PRC1: variants seen among roughly 807,000 people sequenced by gnomAD.
PRC1 encodes protein regulator of cytokinesis 1.
In PRC1, 54 loss-of-function variants were observed where a neutral mutation model predicts 91.2. That is an observed-to-expected ratio of 0.59 (90% CI 0.48 to 0.74). The LOEUF (loss-of-function observed/expected upper bound fraction) is 0.74, where lower values mean the gene tolerates loss of function less well. Among genes scored for constraint, PRC1 ranks in the 30% least tolerant of loss-of-function variants. PRC1 has a pLI of 0.00. For synonymous variants in PRC1, 275 were observed against 263.6 expected (o/e 1.04, Z -0.42); for missense variants, 727 against 746.2 (o/e 0.97, Z 0.30).
At chr15:90,977,285 A>AC (rs1378627667) in intron 8 of PRC1, 1 of 152,580 alleles carries the variant, frequency 6.6e-6, no homozygotes, top group Non-Finnish European at 1.5e-5. Context: ...ACTTATAAAC[A>AC]CCACTACACT....
chr15:90,987,326 C>A (rs2039656822), intron 1 of PRC1, among the ~76,000 whole-genome samples: 1 of 152,042 alleles, frequency 6.6e-6, no homozygotes, highest in African/African-American at 2.4e-5. Context: ...TTTCAGAAGT[C>A]AGGATAGTAG....
chr15:90,994,486 A>G lies in PRC1; in HGVS notation c.-69T>C. ...CCACACGGCCCCGAGAGCAACAACC[A>G]CCCGCAAACACCGGCGATGTCACTC... On this transcript the variant is annotated 5_prime_UTR_variant, in exon 1 of 15. Transcript: ENST00000394249. 2.6e-6 allele frequency: 4 copies of G among 1,542,936 alleles called. No homozygotes were observed. Among genetic ancestry groups the G allele is most frequent in the Non-Finnish European group, 3.5e-6 (4 of 1,140,036 alleles).
At chr15:90,972,300 C>A (rs868654489) in intron 11 of PRC1, among the ~76,000 whole-genome samples, 1 of 150,808 alleles carries the variant, frequency 6.6e-6, no homozygotes, top group African/African-American at 2.4e-5. Flanking sequence ...TAGAGAATCA[C>A]TTGAGCCCAG....
chr15:90,968,438 T>G, intron 14 of PRC1: 1 of 985,496 alleles, frequency 1.0e-6, no homozygotes, highest in African/African-American at 1.7e-5. Context: ...GAACATCCTC[T>G]CCTCTTGCTA....
chr15:90,980,581 C>T (rs533646268), intron 6 of PRC1, 192 bp from the exon 7 acceptor site: 12 of 713,832 alleles, frequency 1.7e-5, no homozygotes, highest in Admixed American at 6.3e-5. Flanking sequence ...TGCAGTGGCG[C>T]GATTCTGGCT....
chr15:90,977,889 C>G (rs1031664400), intron 8 of PRC1, among the ~76,000 whole-genome samples: 1 of 152,038 alleles, frequency 6.6e-6, no homozygotes, highest in Non-Finnish European at 1.5e-5. Flanking sequence ...CACACCTGGC[C>G]TCCTTATTTA....
intron 1 of PRC1, 82 bp downstream of exon 1, chr15:90,994,325 G>A: frequency 6.2e-7 from 1 of 1,602,386 alleles, no homozygotes; most frequent in Non-Finnish European, 8.5e-7. Flanking sequence ...CCCCGCACGG[G>A]TCCCGCACCC....
intron 1 of PRC1, among the ~76,000 whole-genome samples, chr15:90,988,909 G>T (rs1338817390): frequency 6.6e-6 from 1 of 152,130 alleles, no homozygotes; most frequent in Non-Finnish European, 1.5e-5. Context: ...GGATCCTGAC[G>T]AAGGTTTACA....
rs575364533 is a variant in PRC1 at position 90,974,320 on chromosome 15, C to T, written c.1351-74G>A. On this transcript the variant is annotated intron_variant, in intron 10 of 14. Coordinates refer to ENST00000394249, the MANE Select transcript of PRC1 (RefSeq NM_003981.4). The surrounding 1 kb of genome is among the most constrained non-coding windows in gnomAD (Gnocchi z 4.6). ...GTCTGGGATGGCAACAGCAGCAGGG[C>T]CGGGAATCTAGGCCCGTGTCTCTAC... 4.1e-4 allele frequency: 544 copies of T among 1,342,400 alleles called. No individual in the cohort carries two copies. The African/African-American group carries it at 7.1e-3, about 17-fold the overall frequency. 83.2% of individuals were successfully genotyped at this position (1,342,400 alleles called of 1,614,324 possible). A position where few individuals can be genotyped will look rare whatever the true frequency, so the allele number is the denominator to read the frequency against.
chr15:90,972,950 C>G (rs755526053), intron 11 of PRC1: 1 of 152,314 alleles, frequency 6.6e-6, no homozygotes, highest in Non-Finnish European at 1.5e-5. Flanking sequence ...CACCGCACCC[C>G]GAATTTAATG....
chr15:90,977,558 C>T (rs2038827874), intron 8 of PRC1, among the ~76,000 whole-genome samples: 1 of 149,904 alleles, frequency 6.7e-6, no homozygotes, highest in African/African-American at 2.5e-5. Flanking sequence ...AAGGTTGCTG[C>T]CTTAGCTCCT....
rs769350076 is a variant in PRC1, at chr15:90,967,754, A to G, written c.1792-552T>C. 2.2e-3 allele frequency: 1,880 copies of G among 851,336 alleles called. 5 individuals are homozygous for G. The highest frequency in any genetic ancestry group is 2.5e-3 in the Non-Finnish European group (1,775 of 707,792). The allele number at this position is 851,336 out of a possible 1,614,324, so 52.7% of individuals were successfully genotyped here. A position where few individuals can be genotyped will look rare whatever the true frequency, so the allele number is the denominator to read the frequency against. ...AGGTGTGTAGGCTGTTCTGTCTAGGACTGTTAAGTACACTCTGATATGTGC... is the reference window on the plus strand; with the variant it reads ...AGGTGTGTAGGCTGTTCTGTCTAGGGCTGTTAAGTACACTCTGATATGTGC... On this transcript the variant is annotated intron_variant, in intron 14 of 14. Transcript: ENST00000394249.
chr15:90,987,028 C>G (rs569620341), intron 1 of PRC1, among the ~76,000 whole-genome samples: 2 of 150,932 alleles, frequency 1.3e-5, no homozygotes, highest in Non-Finnish European at 2.9e-5. Context: ...ATTCCTAGCA[C>G]CTTGCAAGGC....
At chr15:90,968,206 A>G in intron 14 of PRC1, 1 of 985,468 alleles carries the variant, frequency 1.0e-6, no homozygotes, top group Non-Finnish European at 1.2e-6. Context: ...GAAAAAGAGA[A>G]AGCTGGACCT....
chr15:90,968,986 T>C, intron 14 of PRC1, 93 bp downstream of exon 14: 1 of 1,596,434 alleles, frequency 6.3e-7, no homozygotes, highest in South Asian at 1.1e-5. Flanking sequence ...ACTGCTGAGA[T>C]TATTAGTTAG....
intron 1 of PRC1, among the ~76,000 whole-genome samples, chr15:90,991,859 A>G (rs1382536549): frequency 6.6e-6 from 1 of 152,088 alleles, no homozygotes; most frequent in Non-Finnish European, 1.5e-5. Flanking sequence ...AGGAGCCCCA[A>G]GTCCTAATCT....
At position 90,984,576 on chromosome 15, in the gene PRC1, G is replaced by C; in HGVS notation, c.144+117C>G. 2.1e-6 allele frequency: 3 copies of C among 1,436,566 alleles called. No individual in the cohort carries two copies. The highest frequency in any genetic ancestry group is 2.8e-6 in the Non-Finnish European group (3 of 1,065,036). The allele number at this position is 1,436,566 out of a possible 1,614,324, so 89.0% of individuals were successfully genotyped here. On this transcript the variant is annotated intron_variant, in intron 2 of 14. Coordinates refer to ENST00000394249, the MANE Select transcript of PRC1 (RefSeq NM_003981.4). This position sits in a 1 kb window ranked among gnomAD's most constrained non-coding sequence, Gnocchi z 5.1. Reference sequence around the variant, plus strand: ...TTCAAAACCAAACCAAACCAAACAGGAAGAGCCTGTGCTATCCTAATGCCG... The same window carrying C: ...TTCAAAACCAAACCAAACCAAACAGCAAGAGCCTGTGCTATCCTAATGCCG...
At chr15:90,981,127 G>T in intron 5 of PRC1, 94 bp from the exon 6 acceptor site, 2 of 1,517,526 alleles carry the variant, frequency 1.3e-6, no homozygotes, top group Non-Finnish European at 8.9e-7. Flanking sequence ...GAGTAGAGGA[G>T]GAGGCACTTT....
At position 90,984,183 on chromosome 15, in the gene PRC1, A is replaced by G. The variant is rs2039414220; in HGVS notation, c.145-43T>C. 1.2e-6 allele frequency: 2 copies of G among 1,602,704 alleles called. No homozygotes were observed. The highest frequency in any genetic ancestry group is 2.2e-5 in the East Asian group (1 of 44,668). ...GTCCATAAGTTTGGGGCAATGGAGG[A>G]AAAAAACTCCCAACACCAATACCAA... On this transcript the variant is annotated intron_variant, in intron 2 of 14. Coordinates refer to ENST00000394249, the MANE Select transcript of PRC1 (RefSeq NM_003981.4). This position sits in a 1 kb window ranked among gnomAD's most constrained non-coding sequence, Gnocchi z 5.1.
Sources: gnomAD v4.1 joint callset for allele counts (sites outside exome capture counted in the v4.1 genomes callset) on GRCh38, gnomAD v4.1.1 for gene constraint, Gnocchi (gnomAD v3.1) non-coding constraint, MANE v1.5 for transcripts, NCBI Gene and HGNC (gene_info 2026-07-23, HGNC 2026-07-21) for gene names.